PCSK2: variants seen among roughly 807,000 people sequenced by gnomAD.
PCSK2 encodes proprotein convertase subtilisin/kexin type 2, also known as neuroendocrine convertase 2.
PCSK2 carries 14 observed loss-of-function variants against 69.7 expected under a neutral mutation model. The observed-to-expected ratio is 0.20, with a 90% CI of 0.13 to 0.31. PCSK2 has a LOEUF of 0.31. PCSK2 is among the 10% of genes least tolerant of loss of function. The pLI is 1.00. For missense variants in PCSK2, 544 were observed against 842.5 expected, an observed-to-expected ratio of 0.65 and a Z score of 4.39; for synonymous variants, 307 against 320.7, an observed-to-expected ratio of 0.96 and a Z score of 0.46.
intron 2 of PCSK2, among the ~76,000 whole-genome samples, chr20:17,292,121 T>C (rs922692117): frequency 2.6e-5 from 4 of 152,202 alleles, no homozygotes; most frequent in Non-Finnish European, 4.4e-5. Flanking sequence ...ATTGAGTAGA[T>C]AAGCAGCAAC....
chr20:17,284,281 G>A (rs1004301783), intron 2 of PCSK2, among the ~76,000 whole-genome samples: 18 of 152,114 alleles, frequency 1.2e-4, no homozygotes, highest in Admixed American at 5.2e-4. Flanking sequence ...GCTTGGCCCC[G>A]TATACATGAA....
intron 1 of PCSK2, among the ~76,000 whole-genome samples, chr20:17,241,668 C>G (rs1986577520): frequency 2.0e-5 from 3 of 152,244 alleles, no homozygotes; most frequent in Middle Eastern, 6.8e-3. Context: ...TAATTATTGT[C>G]CTTGTAGTCA....
intron 6 of PCSK2, among the ~76,000 whole-genome samples, chr20:17,426,562 A>AT (rs1463418009): frequency 6.6e-6 from 1 of 152,262 alleles, no homozygotes; most frequent in Non-Finnish European, 1.5e-5. Flanking sequence ...AAAGAGGTTC[A>AT]TTATAAGGAA....
chr20:17,348,102 A>T (rs1003056838), intron 2 of PCSK2, among the ~76,000 whole-genome samples: 24 of 150,760 alleles, frequency 1.6e-4, no homozygotes, highest in African/African-American at 4.4e-4. Context: ...AAAGAAAGAA[A>T]GAAAAGAAAA....
intron 5 of PCSK2, among the ~76,000 whole-genome samples, chr20:17,379,408 A>G (rs2031025623): frequency 1.3e-5 from 2 of 152,236 alleles, no homozygotes; most frequent in Non-Finnish European, 2.9e-5. Context: ...AGCAACAAAG[A>G]CCAAGAAACA....
rs2033138328 is a variant in PCSK2, at chr20:17,468,257, C to T, written c.1430+2704C>T. Among the ~76,000 whole-genome samples, 3 of 145,422 alleles carry T rather than the reference C, an allele frequency of 2.1e-5. No homozygotes were observed. In the South Asian group the frequency reaches 6.5e-4, roughly 31 times the overall value. Reference sequence around the variant, plus strand: ...CCACAGGCCAGCGTCCTGCCGTAGACGGGCAGCCCACCATAGGCCAGCATC... The same window carrying T: ...CCACAGGCCAGCGTCCTGCCGTAGATGGGCAGCCCACCATAGGCCAGCATC... On this transcript the variant is annotated intron_variant, in intron 11 of 11. Coordinates refer to ENST00000262545, the MANE Select transcript of PCSK2 (RefSeq NM_002594.5).
intron 6 of PCSK2, among the ~76,000 whole-genome samples, chr20:17,416,127 T>C (rs550260992): frequency 6.6e-6 from 1 of 152,170 alleles, no homozygotes; most frequent in African/African-American, 2.4e-5. Flanking sequence ...AAGGACTTCA[T>C]GACTAAAACA....
chr20:17,373,702 A>T (rs1012045032), intron 5 of PCSK2, among the ~76,000 whole-genome samples: 1 of 152,242 alleles, frequency 6.6e-6, no homozygotes, highest in African/African-American at 2.4e-5. Flanking sequence ...AAGCAGAATT[A>T]TTTTCAAAGC....
intron 6 of PCSK2, among the ~76,000 whole-genome samples, chr20:17,428,718 G>C (rs114352265): frequency 1.3e-5 from 2 of 151,992 alleles, no homozygotes; most frequent in African/African-American, 4.8e-5. Context: ...GACTTTTCTA[G>C]CCACACTCAG....
intron 5 of PCSK2, among the ~76,000 whole-genome samples, chr20:17,387,381 G>T (rs2031263034): frequency 6.6e-6 from 1 of 152,164 alleles, no homozygotes; most frequent in Admixed American, 6.5e-5. Context: ...CAGTTTGGCT[G>T]GGTGGCTCCG....
chr20:17,329,976 A>G (rs544139247), intron 2 of PCSK2, among the ~76,000 whole-genome samples: 1 of 152,370 alleles, frequency 6.6e-6, no homozygotes, highest in East Asian at 1.9e-4. Context: ...AACTGTGTAC[A>G]TAATATGAAG....
At chr20:17,304,942 C>T (rs954475592) in intron 2 of PCSK2, among the ~76,000 whole-genome samples, 8 of 152,172 alleles carry the variant, frequency 5.3e-5, no homozygotes, top group Non-Finnish European at 8.8e-5. Context: ...TCATCTGCTA[C>T]GGTTAAGCCC....
chr20:17,404,454 G>A (rs1445196018), intron 5 of PCSK2, among the ~76,000 whole-genome samples: 1 of 152,226 alleles, frequency 6.6e-6, no homozygotes, highest in Non-Finnish European at 1.5e-5. Context: ...ACCAGTGGTG[G>A]GCAGTGGAGT....
chr20:17,467,546 G>A lies in PCSK2; in HGVS notation c.1430+1993G>A, dbSNP rs144955257. On this transcript the variant is annotated intron_variant, in intron 11 of 11. Coordinates refer to ENST00000262545, the MANE Select transcript of PCSK2 (RefSeq NM_002594.5). ...TGCCAGCTCTTTGATGACAAAGTCCGAGGAGGAGCTAATGCCACTCTGCTT... is the reference window on the plus strand; with the variant it reads ...TGCCAGCTCTTTGATGACAAAGTCCAAGGAGGAGCTAATGCCACTCTGCTT... Among the ~76,000 whole-genome samples, 1,200 of 152,322 alleles carry A rather than the reference G, an allele frequency of 7.9e-3. 6 individuals carry two copies. Among genetic ancestry groups the A allele is most frequent in the Non-Finnish European group, 0.012 (843 of 68,028 alleles).
chr20:17,347,789 A>AAAGAAAGG (rs1990689746), intron 2 of PCSK2, among the ~76,000 whole-genome samples: 7 of 20,898 alleles, frequency 3.3e-4, no homozygotes, highest in Non-Finnish European at 3.0e-4. Context: ...CACATAGACG[A>AAAGAAAGG]AAGAAAGAAA....
chr20:17,374,432 G>T (rs908662827), intron 5 of PCSK2, among the ~76,000 whole-genome samples: 2 of 152,196 alleles, frequency 1.3e-5, no homozygotes, highest in Non-Finnish European at 2.9e-5. Flanking sequence ...TCAGGGCATG[G>T]AGGTGGGTGG....
At chr20:17,284,442 C>T (rs977878953) in intron 2 of PCSK2, among the ~76,000 whole-genome samples, 2 of 152,178 alleles carry the variant, frequency 1.3e-5, no homozygotes, top group African/African-American at 2.4e-5. Context: ...GTTATCTGAT[C>T]CATTTTCTCT....
At chr20:17,420,021 G>T (rs1345635920) in intron 6 of PCSK2, among the ~76,000 whole-genome samples, 1 of 152,206 alleles carries the variant, frequency 6.6e-6, no homozygotes, top group East Asian at 1.9e-4. Context: ...AAAATGGAGG[G>T]AAGGAAGATG....
At chr20:17,288,747 T>C (rs1191351509) in intron 2 of PCSK2, among the ~76,000 whole-genome samples, 4 of 152,118 alleles carry the variant, frequency 2.6e-5, no homozygotes, top group Admixed American at 2.6e-4. Context: ...CAGACAGCAG[T>C]GTGAGAAGAA....
Sources: allele counts gnomAD v4.1 joint callset (sites outside exome capture counted in the v4.1 genomes callset), GRCh38; gene constraint gnomAD v4.1.1; transcripts MANE v1.5; gene names NCBI Gene and HGNC (gene_info 2026-07-23, HGNC 2026-07-21).